The following NRG1 variants were observed in gnomAD, a reference collection of about 807,000 sequenced individuals.
NRG1 encodes neuregulin 1.
In NRG1, 18 loss-of-function variants were observed where a neutral mutation model predicts 63.8. The ratio of observed to expected loss-of-function variants is 0.28; its 90% CI spans 0.19 to 0.42. NRG1 has a LOEUF of 0.42. NRG1 is among the 10% of genes least tolerant of loss of function. The pLI, the probability that NRG1 is intolerant of heterozygous loss-of-function variation, is 1.00. For synonymous variants in NRG1, 302 were observed against 301.3 expected (o/e 1.00, Z -0.02); for missense variants, 762 against 814.7 (o/e 0.94, Z 0.79).
At chr8:32,049,202 G>T (rs973919485) in intron 1 of NRG1, among the ~76,000 whole-genome samples, 15 of 152,176 alleles carry the variant, frequency 9.9e-5, no homozygotes, top group Non-Finnish European at 1.9e-4. Context: ...GAAACCCTGA[G>T]AAATGGATTA....
intron 1 of NRG1, among the ~76,000 whole-genome samples, chr8:32,462,296 C>T (rs565179830): frequency 6.6e-5 from 10 of 152,248 alleles, no homozygotes; most frequent in African/African-American, 2.4e-4. Flanking sequence ...TAAAACTAAT[C>T]TTAGACTCAC....
intron 5 of NRG1, among the ~76,000 whole-genome samples, chr8:32,688,594 G>A (rs972133725): frequency 6.6e-6 from 1 of 151,992 alleles, no homozygotes; most frequent in African/African-American, 2.4e-5. Flanking sequence ...ATAAATATTT[G>A]TTGAATTATG....
intron 1 of NRG1, among the ~76,000 whole-genome samples, chr8:32,034,234 T>A (rs1818698266): frequency 6.6e-6 from 1 of 152,172 alleles, no homozygotes; most frequent in African/African-American, 2.4e-5. Context: ...TTGGTTCTGT[T>A]TATGTGATGA....
At chr8:32,624,340 G>A (rs1848826968) in intron 5 of NRG1, among the ~76,000 whole-genome samples, 1 of 152,176 alleles carries the variant, frequency 6.6e-6, no homozygotes. Context: ...AGTGAGGGCA[G>A]ATGGGCTCAG....
chr8:32,099,975 G>A (rs1470711780), intron 1 of NRG1, among the ~76,000 whole-genome samples: 2 of 152,108 alleles, frequency 1.3e-5, no homozygotes, highest in African/African-American at 4.8e-5. Flanking sequence ...TAGTAGGCAA[G>A]TGGGATTGGA....
chr8:31,889,801 T>C (rs1490313040), intron 1 of NRG1, among the ~76,000 whole-genome samples: 3 of 152,166 alleles, frequency 2.0e-5, no homozygotes, highest in Non-Finnish European at 2.9e-5. Context: ...TCTGCCCTAG[T>C]TATGGGAGTT....
At chr8:32,599,436 T>G (rs1843931033) in intron 2 of NRG1, among the ~76,000 whole-genome samples, 3 of 152,214 alleles carry the variant, frequency 2.0e-5, no homozygotes. Flanking sequence ...TGGTGTTTAG[T>G]GGCACAATTT....
chr8:31,744,242 T>G (rs1815621509), intron 1 of NRG1, among the ~76,000 whole-genome samples: 1 of 152,014 alleles, frequency 6.6e-6, no homozygotes, highest in African/African-American at 2.4e-5. Flanking sequence ...CAAGGATTAA[T>G]GAAGAGATCC....
intron 5 of NRG1, among the ~76,000 whole-genome samples, chr8:32,705,618 T>C (rs1001922120): frequency 4.6e-5 from 7 of 152,180 alleles, no homozygotes; most frequent in African/African-American, 1.4e-4. Flanking sequence ...AAGGTACTAG[T>C]TGATGAATTC....
At chr8:32,316,023 G>A (rs10088347) in intron 1 of NRG1, among the ~76,000 whole-genome samples, 4,265 of 152,240 alleles carry the variant, frequency 0.028, 212 homozygotes, top group African/African-American at 0.096. Context: ...CCTACTTGAA[G>A]ATGTTAGAAT....
intron 1 of NRG1, among the ~76,000 whole-genome samples, chr8:32,004,547 T>C (rs1813447139): frequency 6.6e-6 from 1 of 151,838 alleles, no homozygotes; most frequent in South Asian, 2.1e-4. Flanking sequence ...CTCTGTGCTT[T>C]TGGTTCAACT....
intron 1 of NRG1, among the ~76,000 whole-genome samples, chr8:31,928,457 A>G (rs1834591148): frequency 6.6e-6 from 1 of 152,168 alleles, no homozygotes; most frequent in East Asian, 1.9e-4. Flanking sequence ...CAAAGAACTA[A>G]AGACAGATCA....
At chr8:32,352,268 A>G (rs1213552433) in intron 1 of NRG1, among the ~76,000 whole-genome samples, 1 of 151,570 alleles carries the variant, frequency 6.6e-6, no homozygotes, top group Middle Eastern at 3.5e-3. Flanking sequence ...CTGATGAGAC[A>G]GAAGGGACAT....
At chr8:32,691,700 A>G (rs766099028) in intron 5 of NRG1, among the ~76,000 whole-genome samples, 17 of 152,260 alleles carry the variant, frequency 1.1e-4, no homozygotes, top group Non-Finnish European at 2.1e-4. Flanking sequence ...TTGTAAGATC[A>G]TGTAAAAGTT....
intron 5 of NRG1, among the ~76,000 whole-genome samples, chr8:32,661,405 C>T (rs1467626283): frequency 2.0e-5 from 3 of 152,120 alleles, no homozygotes; most frequent in East Asian, 1.9e-4. Context: ...GATAAGATAA[C>T]AGTGATTTGG....
At chr8:32,491,647 T>C (rs2061235880) in intron 1 of NRG1, among the ~76,000 whole-genome samples, 1 of 136,750 alleles carries the variant, frequency 7.3e-6, no homozygotes, top group African/African-American at 2.5e-5. Context: ...GCCATCTGCA[T>C]AGCTGCTAGA....
chr8:32,248,754 T>C (rs868715458), intron 1 of NRG1, among the ~76,000 whole-genome samples: 3 of 152,078 alleles, frequency 2.0e-5, no homozygotes, highest in Non-Finnish European at 4.4e-5. Flanking sequence ...GGTTATTTGG[T>C]TGGTAAATCT....
intron 1 of NRG1, among the ~76,000 whole-genome samples, chr8:32,202,746 C>T (rs955024515): frequency 1.3e-5 from 2 of 151,556 alleles, no homozygotes; most frequent in African/African-American, 4.8e-5. Context: ...CACAGCTAAA[C>T]TCCTCTTGAC....
At chr8:32,750,200 A>C (rs1218170134) in intron 7 of NRG1, among the ~76,000 whole-genome samples, 1 of 152,208 alleles carries the variant, frequency 6.6e-6, no homozygotes, top group African/African-American at 2.4e-5. Flanking sequence ...AACAGAAAGA[A>C]AGCAGCCTTG....
Sources: allele counts gnomAD v4.1 joint callset (sites outside exome capture counted in the v4.1 genomes callset), GRCh38; gene constraint gnomAD v4.1.1; transcripts MANE v1.5; gene names NCBI Gene and HGNC (gene_info 2026-07-23, HGNC 2026-07-21).